TCF4: variants seen among roughly 807,000 people sequenced by gnomAD.
TCF4 encodes transcription factor 4.
In TCF4, 3 loss-of-function variants were observed where a neutral mutation model predicts 82.1. The ratio of observed to expected loss-of-function variants is 0.04; its 90% confidence interval spans 0.02 to 0.09. The LOEUF is 0.09. TCF4 is among the 10% of genes least tolerant of loss of function. The probability of loss-of-function intolerance (pLI) is 1.00; values close to 1 mark genes in which losing one functional copy is unlikely to be tolerated. For synonymous variants in TCF4, 276 were observed against 309.6 expected (o/e 0.89, Z 1.14); for missense variants, 518 against 852.7 (o/e 0.61, Z 4.89).
intron 5 of TCF4, among the ~76,000 whole-genome samples, chr18:55,441,626 C>A (rs72928914): frequency 0.032 from 4,797 of 152,006 alleles, 98 homozygotes; most frequent in Non-Finnish European, 0.048. Flanking sequence ...GTAGATACCA[C>A]CCAGTAAATT....
At chr18:55,329,710 T>C (rs938701052) in intron 8 of TCF4, among the ~76,000 whole-genome samples, 1 of 152,192 alleles carries the variant, frequency 6.6e-6, no homozygotes, top group Non-Finnish European at 1.5e-5. Context: ...CAAAAATTGA[T>C]GTAAAAGTCA....
intron 8 of TCF4, among the ~76,000 whole-genome samples, chr18:55,343,896 T>C (rs1296085100): frequency 1.3e-5 from 2 of 152,086 alleles, no homozygotes; most frequent in African/African-American, 4.8e-5. Flanking sequence ...ATAGTAGAAA[T>C]TGATCAAGGC....
chr18:55,592,686 G>A (rs544778478), upstream of TCF4, among the ~76,000 whole-genome samples: 6 of 152,256 alleles, frequency 3.9e-5, no homozygotes, highest in South Asian at 6.2e-4. Context: ...CCCCAGGAGC[G>A]AAGAGGAAGA....
At chr18:55,237,607 T>G (rs918877349) in intron 15 of TCF4, among the ~76,000 whole-genome samples, 2 of 118,372 alleles carry the variant, frequency 1.7e-5, no homozygotes, top group South Asian at 5.2e-4. Flanking sequence ...GTAACTGGAA[T>G]TACAGGCGCC....
chr18:55,538,482 C>T (rs759184418), intron 3 of TCF4, among the ~76,000 whole-genome samples: 2 of 152,110 alleles, frequency 1.3e-5, no homozygotes, highest in Non-Finnish European at 2.9e-5. Context: ...GAATGTAACA[C>T]TGTAGTTGGG....
chr18:55,303,236 C>CACACACACACACACACCCCCCT (rs2068923143), intron 8 of TCF4, among the ~76,000 whole-genome samples: 1 of 148,428 alleles, frequency 6.7e-6, no homozygotes, highest in African/African-American at 2.5e-5. Context: ...TACACACACA[C>CACACACACACACACACCCCCCT]ACACACACAC....
upstream of TCF4, among the ~76,000 whole-genome samples, chr18:55,590,642 T>C (rs890674488): frequency 2.6e-5 from 4 of 152,220 alleles, no homozygotes; most frequent in African/African-American, 9.6e-5. Flanking sequence ...CTAAATCAAC[T>C]GATACCGCTA....
chr18:55,299,860 T>G (rs977404989), intron 8 of TCF4, among the ~76,000 whole-genome samples: 1 of 152,032 alleles, frequency 6.6e-6, no homozygotes, highest in African/African-American at 2.4e-5. Flanking sequence ...CCATCACAAA[T>G]TTAGTAAGAG....
At chr18:55,525,289 TTTGA>T (rs977274350) in intron 3 of TCF4, among the ~76,000 whole-genome samples, 3 of 152,144 alleles carry the variant, frequency 2.0e-5, no homozygotes, top group Admixed American at 1.3e-4. Flanking sequence ...CCACGTAACC[TTTGA>T]TTGATTTTTT....
chr18:55,385,648 G>A (rs748362326), intron 6 of TCF4, among the ~76,000 whole-genome samples: 3 of 152,202 alleles, frequency 2.0e-5, no homozygotes, highest in Non-Finnish European at 4.4e-5. Context: ...TGATCTGCCC[G>A]CCTAGGCCTC....
chr18:55,472,289 T>C (rs2096200950), intron 3 of TCF4, among the ~76,000 whole-genome samples: 1 of 152,222 alleles, frequency 6.6e-6, no homozygotes, highest in South Asian at 2.1e-4. Context: ...CTCAGAAATC[T>C]TTTTGAAGCT....
At chr18:55,582,224 C>T (rs2097581981) in intron 3 of TCF4, among the ~76,000 whole-genome samples, 1 of 152,066 alleles carries the variant, frequency 6.6e-6, no homozygotes, top group Non-Finnish European at 1.5e-5. Context: ...AGGTATCCTA[C>T]TTTTCAATGA....
At chr18:55,588,664 G>A (rs2147910816), upstream of TCF4, 1 of 1,321,046 alleles carries the variant, frequency 7.6e-7, no homozygotes, top group Non-Finnish European at 9.7e-7. Flanking sequence ...GCAAATACAC[G>A]TGATGCAAAA....
At position 55,409,211 on chromosome 18, in the gene TCF4, T is replaced by C. The variant is rs370161782; in HGVS notation, c.305-5693A>G. On this transcript the variant is annotated intron_variant, in intron 5 of 19. Coordinates refer to ENST00000354452, the MANE Select transcript of TCF4 (RefSeq NM_001083962.2). ...ACCCAGCATCACTCAGTGTCATCTA[T>C]AGAATAGTGATCCCACAACGGGCTC... Among the ~76,000 whole-genome samples the C allele has an allele frequency of 2.6e-5, 4 of 152,134 alleles. No homozygotes were observed. The South Asian group carries it at 6.2e-4, about 24-fold the overall frequency.
intron 6 of TCF4, among the ~76,000 whole-genome samples, chr18:55,367,571 T>C (rs2087561631): frequency 6.6e-6 from 1 of 152,190 alleles, no homozygotes; most frequent in Non-Finnish European, 1.5e-5. Flanking sequence ...GGTAATTTCT[T>C]CCATAAACAT....
At chr18:55,443,015 T>C (rs1040010515) in intron 5 of TCF4, among the ~76,000 whole-genome samples, 1 of 152,186 alleles carries the variant, frequency 6.6e-6, no homozygotes, top group Non-Finnish European at 1.5e-5. Flanking sequence ...AAATGGTTTG[T>C]CCAGTGGGAA....
At chr18:55,301,934 C>T (rs1182323273) in intron 8 of TCF4, among the ~76,000 whole-genome samples, 2 of 151,974 alleles carry the variant, frequency 1.3e-5, no homozygotes, top group Admixed American at 1.3e-4. Context: ...TCTAAGTAAA[C>T]CGTTTCTGAG....
At chr18:55,483,138 A>T (rs1026317097) in intron 3 of TCF4, among the ~76,000 whole-genome samples, 2 of 152,192 alleles carry the variant, frequency 1.3e-5, no homozygotes, top group African/African-American at 4.8e-5. Flanking sequence ...TCTTGGTGAA[A>T]TGGATGGCTG....
intron 5 of TCF4, among the ~76,000 whole-genome samples, chr18:55,455,883 A>C (rs993824267): frequency 1.3e-5 from 2 of 152,226 alleles, no homozygotes; most frequent in Non-Finnish European, 2.9e-5. Flanking sequence ...TAAGGCTTCC[A>C]AAAACACTTT....
Sources: gnomAD v4.1 joint callset for allele counts (sites outside exome capture counted in the v4.1 genomes callset) on GRCh38, gnomAD v4.1.1 for gene constraint, MANE v1.5 for transcripts, NCBI Gene and HGNC (gene_info 2026-07-23, HGNC 2026-07-21) for gene names.